Variants in ROBO2 observed in about 807,000 individuals in gnomAD.
The protein encoded by ROBO2 is roundabout guidance receptor 2, also known as roundabout homolog 2.
A neutral mutation model predicts 160.8 loss-of-function variants in ROBO2; 53 were observed. That is an observed-to-expected ratio of 0.33 (90% CI 0.26 to 0.41). The LOEUF is 0.41. Among genes scored for constraint, ROBO2 ranks in the 10% least tolerant of loss-of-function variants. The pLI is 1.00. For missense variants in ROBO2, 1,577 were observed against 1,722.4 expected, an observed-to-expected ratio of 0.92 and a Z score of 1.49; for synonymous variants, 664 against 611.7, an observed-to-expected ratio of 1.09 and a Z score of -1.26.
intron 2 of ROBO2, among the ~76,000 whole-genome samples, chr3:77,448,402 G>A (rs1376883696): frequency 1.3e-5 from 2 of 152,122 alleles, no homozygotes; most frequent in Non-Finnish European, 2.9e-5. Context: ...ATCCCTTGAT[G>A]ACTGTAGATG....
At chr3:77,141,657 G>T (rs1212744699) in intron 2 of ROBO2, among the ~76,000 whole-genome samples, 1 of 152,128 alleles carries the variant, frequency 6.6e-6, no homozygotes, top group Non-Finnish European at 1.5e-5. Flanking sequence ...GTTCTAGTTG[G>T]ATAGCAGTGA....
rs539141835 is a variant in ROBO2 at position 76,383,720 on chromosome 3, G to GA, written c.109+446127dup. On this transcript the variant is annotated intron_variant, in intron 2 of 26. Coordinates refer to the ROBO2 transcript ENST00000487694. Reference sequence around the variant, plus strand: ...ATGGTGGTCACAGGTCAGTCATAATGAAAAAAAAACAAAAAACAAAAAACA... The same window carrying GA: ...ATGGTGGTCACAGGTCAGTCATAATGAAAAAAAAAACAAAAAACAAAAAACA... Among the ~76,000 whole-genome samples the GA allele has an allele frequency of 2.0e-3, 290 of 147,720 alleles. 1 individual carries two copies. The Middle Eastern group carries it at 0.024, about 12-fold the overall frequency.
At chr3:77,027,918 C>T (rs1035271394) in intron 2 of ROBO2, among the ~76,000 whole-genome samples, 1 of 151,322 alleles carries the variant, frequency 6.6e-6, no homozygotes, top group African/African-American at 2.5e-5. Flanking sequence ...AAGAAGATTA[C>T]TCAATAAAAG....
chr3:76,469,198 G>C (rs896998517), intron 2 of ROBO2, among the ~76,000 whole-genome samples: 4 of 151,932 alleles, frequency 2.6e-5, no homozygotes. Context: ...CATTAATCTA[G>C]TTGAAGATGA....
chr3:77,532,675 T>C (rs1324306371), intron 6 of ROBO2, among the ~76,000 whole-genome samples: 1 of 151,904 alleles, frequency 6.6e-6, no homozygotes, highest in African/African-American at 2.4e-5. Flanking sequence ...CTCTAACTTT[T>C]AAAATTGCAA....
chr3:77,399,759 G>T (rs1010930485), intron 2 of ROBO2, among the ~76,000 whole-genome samples: 2 of 152,056 alleles, frequency 1.3e-5, no homozygotes, highest in African/African-American at 4.8e-5. Flanking sequence ...TAACTAGCTA[G>T]CCAGGAAGCA....
chr3:76,341,277 C>T (rs941065249), intron 2 of ROBO2, among the ~76,000 whole-genome samples: 1 of 151,938 alleles, frequency 6.6e-6, no homozygotes, highest in Non-Finnish European at 1.5e-5. Context: ...TGCAGCGATA[C>T]AGGTTCCTTG....
intron 2 of ROBO2, among the ~76,000 whole-genome samples, chr3:76,366,525 A>C (rs999124814): frequency 2.6e-5 from 4 of 152,050 alleles, no homozygotes; most frequent in Non-Finnish European, 4.4e-5. Flanking sequence ...CTACTGAAAA[A>C]GAACAGAGTA....
At chr3:77,477,610 T>G in intron 3 of ROBO2, 39 bp downstream of exon 3, 45 of 1,393,774 alleles carry the variant, frequency 3.2e-5, no homozygotes, top group Non-Finnish European at 4.2e-5. Flanking sequence ...GAGATTGAAT[T>G]TTCAGTCTCA....
intron 2 of ROBO2, among the ~76,000 whole-genome samples, chr3:76,846,126 C>T (rs189290129): frequency 6.6e-6 from 1 of 152,078 alleles, no homozygotes; most frequent in Non-Finnish European, 1.5e-5. Context: ...AGAACCCAAA[C>T]CTTTATGAAA....
chr3:75,925,090 G>A (rs911394828), intron 1 of ROBO2, among the ~76,000 whole-genome samples: 4 of 151,876 alleles, frequency 2.6e-5, no homozygotes, highest in African/African-American at 7.3e-5. Context: ...ACAGTATGAA[G>A]GTTAAAAAAC....
chr3:76,685,355 C>T (rs1031963214), intron 2 of ROBO2, among the ~76,000 whole-genome samples: 3 of 151,868 alleles, frequency 2.0e-5, no homozygotes, highest in African/African-American at 4.8e-5. Flanking sequence ...TTCAAATTAT[C>T]GTAAAATCAT....
chr3:76,984,072 A>C (rs1205470204), intron 2 of ROBO2, among the ~76,000 whole-genome samples: 4 of 151,944 alleles, frequency 2.6e-5, no homozygotes, highest in African/African-American at 9.7e-5. Flanking sequence ...ATATCATGAG[A>C]CTCACTCACC....
At chr3:77,412,734 C>T (rs9881016) in intron 2 of ROBO2, among the ~76,000 whole-genome samples, 30 of 152,288 alleles carry the variant, frequency 2.0e-4, no homozygotes, top group Non-Finnish European at 4.1e-4. Context: ...TTTCCTAATC[C>T]ATTTCCTGAG....
At chr3:76,033,039 T>C (rs2066978462) in intron 2 of ROBO2, among the ~76,000 whole-genome samples, 1 of 152,066 alleles carries the variant, frequency 6.6e-6, no homozygotes, top group Non-Finnish European at 1.5e-5. Context: ...AAACACATTC[T>C]GACTGGCTTT....
chr3:76,461,611 T>C (rs2078090832), intron 2 of ROBO2, among the ~76,000 whole-genome samples: 1 of 152,218 alleles, frequency 6.6e-6, no homozygotes, highest in Non-Finnish European at 1.5e-5. Context: ...AGCAAGATGA[T>C]ATTTCTAAAA....
At chr3:76,880,454 AG>A (rs2073220449) in intron 2 of ROBO2, among the ~76,000 whole-genome samples, 1 of 152,182 alleles carries the variant, frequency 6.6e-6, no homozygotes, top group African/African-American at 2.4e-5. Flanking sequence ...AGTATAAAAA[AG>A]CATGCTGTCC....
intron 2 of ROBO2, among the ~76,000 whole-genome samples, chr3:76,687,356 A>T (rs1022199855): frequency 6.6e-6 from 1 of 152,098 alleles, no homozygotes; most frequent in African/African-American, 2.4e-5. Context: ...TAATATATAT[A>T]GAGAGAGTAT....
At chr3:76,114,213 C>A (rs1008193149) in intron 2 of ROBO2, among the ~76,000 whole-genome samples, 1 of 152,114 alleles carries the variant, frequency 6.6e-6, no homozygotes, top group African/African-American at 2.4e-5. Context: ...AACACATGAA[C>A]TTTGGGAGAC....
Sources: allele counts gnomAD v4.1 joint callset (sites outside exome capture counted in the v4.1 genomes callset), GRCh38; gene constraint gnomAD v4.1.1; transcripts MANE v1.5; gene names NCBI Gene and HGNC (gene_info 2026-07-23, HGNC 2026-07-21).